Variants in ATG2A observed in about 807,000 individuals in gnomAD.
ATG2A encodes autophagy-related protein 2 homolog A.
ATG2A carries 103 observed loss-of-function variants against 214.2 expected under a neutral mutation model. The ratio of observed to expected loss-of-function variants is 0.48; its 90% CI spans 0.41 to 0.57. The LOEUF is 0.57. Ranked by LOEUF, ATG2A falls within the 20% of genes least tolerant of loss-of-function variation. ATG2A has a pLI of 0.00. For synonymous variants in ATG2A, 1,160 were observed against 1,142.1 expected (o/e 1.02, Z -0.32); for missense variants, 2,312 against 2,613.2 (o/e 0.88, Z 2.51).
chr11:64,909,857 C>A lies in ATG2A; in HGVS notation c.1931G>T (p.Arg644Leu). 1 of 1,609,602 alleles carries A rather than the reference C, an allele frequency of 6.2e-7. No individual in the cohort carries two copies. Among genetic ancestry groups the A allele is most frequent in the Non-Finnish European group, 8.5e-7 (1 of 1,178,746 alleles). ...CAGGTCGGCAATGGGGAAGCGCAGCCGCAGCGTGGCCCGGGGTGCAGAGAG... is the reference window on the plus strand; with the variant it reads ...CAGGTCGGCAATGGGGAAGCGCAGCAGCAGCGTGGCCCGGGGTGCAGAGAG... ...FRLSAPRATL[R>L]LRFPIADLRP... Residue 644 changes from arginine (R) to leucine (L), a missense_variant, in exon 14 of 41, where the codon CGG becomes CTG. Arg to Leu is a moderately radical substitution (Grantham distance 102, BLOSUM62 -2). Coordinates refer to ENST00000377264, the MANE Select transcript of ATG2A (RefSeq NM_015104.3).
Position 64,911,206 on chromosome 11 carries a change from C to A in ATG2A, c.1298G>T (p.Gly433Val). Residue 433 changes from glycine to valine, a missense_variant, in exon 10 of 41, where the codon GGT becomes GTT. Coordinates refer to ENST00000377264, the MANE Select transcript of ATG2A (RefSeq NM_015104.3). ...CGTCTGAAGCAAGGTCAGGGTCACACCCCCCAAGGTCATCTTCAGCAGCGA... is the reference window on the plus strand; with the variant it reads ...CGTCTGAAGCAAGGTCAGGGTCACAACCCCCAAGGTCATCTTCAGCAGCGA... ...PDSLLKMTLG[G>V]VTLTLLQTSA... 6.2e-7 allele frequency: 1 copy of A among 1,614,094 alleles called. No individual in the cohort carries two copies. The highest frequency in any genetic ancestry group is 8.5e-7 in the Non-Finnish European group (1 of 1,180,012).
chr11:64,914,059 C>T lies in ATG2A; in HGVS notation c.487+22G>A, dbSNP rs764745221. 3.8e-5 allele frequency: 59 copies of T among 1,535,354 alleles called. No homozygotes were observed. In the East Asian group the frequency reaches 5.1e-4, roughly 13 times the overall value. ...TGCCACTGAAGGGCAGGAGACAGGG[C>T]GGCCAGGAGGGGCCTGCTCACCAGT... is the stretch of plus-strand genomic sequence containing the variant. On this transcript the variant is annotated intron_variant, in intron 3 of 40. Coordinates refer to ENST00000377264, the MANE Select transcript of ATG2A (RefSeq NM_015104.3).
chr11:64,912,316 A>G lies in ATG2A; in HGVS notation c.922+11T>C, dbSNP rs201087514. On this transcript the variant is annotated intron_variant, in intron 7 of 40. Coordinates refer to ENST00000377264, the MANE Select transcript of ATG2A (RefSeq NM_015104.3). The stretch of plus-strand genomic sequence containing the variant: ...CAGCCACCCCACCCCCATGCCACCC[A>G]GGGGCCTCACCTGTAAGGCTCACGG... 2.8e-6 allele frequency: 2 copies of G among 713,788 alleles called. No homozygotes were observed. Among genetic ancestry groups the G allele is most frequent in the Non-Finnish European group, 4.5e-6 (2 of 445,054 alleles). The allele number at this position is 713,788 out of a possible 1,614,324, so 44.2% of individuals were successfully genotyped here.
chr11:64,914,912 G>C (rs112785065), intron 1 of ATG2A, among the ~76,000 whole-genome samples: 1 of 151,104 alleles, frequency 6.6e-6, no homozygotes, highest in Non-Finnish European at 1.5e-5. Context: ...CTGGTGGGGG[G>C]GCCGTGGGGA....
rs1944569123 is a variant in ATG2A, at chr11:64,906,794, C to G, written c.2854G>C (p.Glu952Gln). Reference protein sequence around the residue: ...ETKDEGGKRLEAVHGELVLDM... With the variant: ...ETKDEGGKRLQAVHGELVLDM... The stretch of plus-strand genomic sequence containing the variant: ...AGCACCAGCTCCCCGTGCACAGCCT[C>G]CAGCCGCTTCCCACCCTCATCCTGC... The change falls in exon 20 of 41, where the codon GAG becomes CAG. Residue 952 changes from glutamate to glutamine, a missense_variant. Coordinates refer to ENST00000377264, the MANE Select transcript of ATG2A (RefSeq NM_015104.3). The G allele has an allele frequency of 3.7e-6, 6 of 1,613,310 alleles. No individual in the cohort carries two copies. The highest frequency in any genetic ancestry group is 5.1e-6 in the Non-Finnish European group (6 of 1,179,924).
At chr11:64,912,451 C>A in intron 6 of ATG2A, 28 bp from the exon 7 acceptor site, 1 of 1,525,334 alleles carries the variant, frequency 6.6e-7, no homozygotes, top group Non-Finnish European at 8.8e-7. Flanking sequence ...AGCCATGGAG[C>A]CTAGGCCCAC....
chr11:64,896,658 C>T (rs771775485), intron 38 of ATG2A, 42 bp from the exon 39 acceptor site: 9 of 1,607,000 alleles, frequency 5.6e-6, no homozygotes, highest in Non-Finnish European at 8.5e-7. Flanking sequence ...GGCTGCCCTG[C>T]CCCCACCTCC....
intron 16 of ATG2A, among the ~76,000 whole-genome samples, chr11:64,908,716 G>A (rs1346573783): frequency 6.6e-6 from 1 of 152,212 alleles, no homozygotes; most frequent in Non-Finnish European, 1.5e-5. Flanking sequence ...TAAGTGTACA[G>A]TGCTGATCCA....
chr11:64,913,369 G>C lies in ATG2A; in HGVS notation c.623C>G (p.Pro208Arg). 6.3e-7 allele frequency: 1 copy of C among 1,598,332 alleles called. No individual in the cohort carries two copies. Among genetic ancestry groups the C allele is most frequent in the Non-Finnish European group, 8.5e-7 (1 of 1,173,872 alleles). The change falls in exon 5 of 41, where the codon CCA becomes CGA. Residue 208 changes from proline (P) to arginine (R), a missense_variant. By Grantham distance (103) the Pro-to-Arg change is moderately radical. Transcript: ENST00000377264. The surrounding 1 kb of genome is among the most constrained non-coding windows in gnomAD (Gnocchi z 4.3). ...LEYCDEAVRD[P>R]SQAPPVDVHQ... ...CACGTCCACCGGCGGCGCCTGGCTT[G>C]GGTCCCGCACTGCCTCATCACAGTA...
At position 64,894,601 on chromosome 11, in the gene ATG2A, G is replaced by A. The variant is rs897771302; in HGVS notation, c.*372C>T. The A allele has an allele frequency of 1.9e-6, 1 of 518,110 alleles. No individual in the cohort carries two copies. Among genetic ancestry groups the A allele is most frequent in the Non-Finnish European group, 3.7e-6 (1 of 267,308 alleles). 32.1% of individuals were successfully genotyped at this position (518,110 alleles called of 1,614,324 possible). A position where few individuals can be genotyped will look rare whatever the true frequency, so the allele number is the denominator to read the frequency against. ...AGACACTGACCCACGCACTCACGGA[G>A]CTTAAAAATAATACATCGAACCACA... is the stretch of plus-strand genomic sequence containing the variant. On this transcript the variant is annotated 3_prime_UTR_variant, in exon 41 of 41. Coordinates refer to ENST00000377264, the MANE Select transcript of ATG2A (RefSeq NM_015104.3).
At position 64,903,650 on chromosome 11, in the gene ATG2A, C is replaced by T. The variant is rs1348863996; in HGVS notation, c.3475G>A (p.Asp1159Asn). 1.9e-6 allele frequency: 3 copies of T among 1,549,544 alleles called. No individual in the cohort carries two copies. Among genetic ancestry groups the T allele is most frequent in the Admixed American group, 2.0e-5 (1 of 50,934 alleles). Reference sequence around the variant, plus strand: ...TCGGACAGGTACAAGGCGGAGTCATCGAGGATGAACCTGGGGGGGAACAGG... The same window carrying T: ...TCGGACAGGTACAAGGCGGAGTCATTGAGGATGAACCTGGGGGGGAACAGG... Reference protein sequence around the residue: ...TSTFLLRFILDDSALYLSDKC... With the variant: ...TSTFLLRFILNDSALYLSDKC... The change falls in exon 25 of 41, where the codon GAT becomes AAT. Residue 1159 changes from aspartate to asparagine, a missense_variant. Asp to Asn is a conservative substitution (Grantham distance 23, BLOSUM62 1). Transcript: ENST00000377264. This position sits in a 1 kb window ranked among gnomAD's most constrained non-coding sequence, Gnocchi z 4.2.
chr11:64,914,456 C>A lies in ATG2A; in HGVS notation c.216G>T (p.Leu72=). The change falls in exon 2 of 41, where the codon CTG becomes CTT. Residue 72 remains leucine, a synonymous_variant. Coordinates refer to ENST00000377264, the MANE Select transcript of ATG2A (RefSeq NM_015104.3). ...VLESMESPLE[L]VEGFVGSIEV... Reference sequence around the variant, plus strand: ...CGATGGAGCCCACGAAGCCTTCCACCAGCTCCAGCGGTGACTCCATTGACT... The same window carrying A: ...CGATGGAGCCCACGAAGCCTTCCACAAGCTCCAGCGGTGACTCCATTGACT... 6.2e-7 allele frequency: 1 copy of A among 1,612,976 alleles called. No homozygotes were observed. The highest frequency in any genetic ancestry group is 1.1e-5 in the South Asian group (1 of 90,950).
chr11:64,910,529 C>G, intron 12 of ATG2A, 87 bp downstream of exon 12: 9 of 1,425,060 alleles, frequency 6.3e-6, no homozygotes, highest in African/African-American at 1.4e-5. Context: ...AGGGACAGGG[C>G]TGGGCAGCAG....
rs1944557189 is a variant in ATG2A, at chr11:64,906,541, G to A, written c.2984-8C>T. ...GGTAGTCATCCACGGCCGCTGGGGA[G>A]GGGTCTCATGAGCCCCCTGCCAAGC... On this transcript the variant is annotated splice_region_variant and splice_polypyrimidine_tract_variant and intron_variant, in intron 20 of 40. Transcript: ENST00000377264. 1.2e-6 allele frequency: 2 copies of A among 1,612,102 alleles called. No homozygotes were observed. Among genetic ancestry groups the A allele is most frequent in the Non-Finnish European group, 1.7e-6 (2 of 1,179,314 alleles).
intron 31 of ATG2A, among the ~76,000 whole-genome samples, chr11:64,899,622 ACT>A (rs1043477382): frequency 1.0e-4 from 15 of 150,288 alleles, no homozygotes; most frequent in Non-Finnish European, 1.5e-4. Context: ...CCTCTGTACC[ACT>A]CTCTGTATCT....
Position 64,895,246 on chromosome 11 carries a change from G to A in ATG2A, c.5581-37C>T, listed in dbSNP as rs373093396. 1.7e-5 allele frequency: 27 copies of A among 1,613,040 alleles called. No individual in the cohort carries two copies. Among genetic ancestry groups the A allele is most frequent in the African/African-American group, 2.7e-5 (2 of 74,924 alleles). On this transcript the variant is annotated intron_variant, in intron 40 of 40. Coordinates refer to ENST00000377264, the MANE Select transcript of ATG2A (RefSeq NM_015104.3). The surrounding 1 kb of genome is among the most constrained non-coding windows in gnomAD (Gnocchi z 5.0). ...AGAGGTCAGGGCGGGGTCTGTGTGAGGAGATGGGCATGGGGGACTGGGGCA... is the reference window on the plus strand; with the variant it reads ...AGAGGTCAGGGCGGGGTCTGTGTGAAGAGATGGGCATGGGGGACTGGGGCA...
At chr11:64,902,733 G>C in intron 26 of ATG2A, 53 bp from the exon 27 acceptor site, 2 of 1,531,212 alleles carry the variant, frequency 1.3e-6, no homozygotes, top group South Asian at 1.2e-5. Flanking sequence ...GCCACTGCCT[G>C]CTGGCCCCAC....
At chr11:64,905,390 T>G (rs992959633) in intron 24 of ATG2A, among the ~76,000 whole-genome samples, 173 bp downstream of exon 24, 2 of 151,890 alleles carry the variant, frequency 1.3e-5, no homozygotes, top group Admixed American at 6.5e-5. Flanking sequence ...CTTATAAGGG[T>G]CTCATCAGGA....
intron 31 of ATG2A, 59 bp downstream of exon 31, chr11:64,900,435 G>A: frequency 6.2e-7 from 1 of 1,609,266 alleles, no homozygotes; most frequent in Non-Finnish European, 8.5e-7. Flanking sequence ...GTGACATCGA[G>A]AACAAGGCCC....
Sources: gnomAD v4.1 joint callset for allele counts (sites outside exome capture counted in the v4.1 genomes callset) on GRCh38, gnomAD v4.1.1 for gene constraint, Gnocchi (gnomAD v3.1) non-coding constraint, MANE v1.5 for transcripts, NCBI Gene and HGNC (gene_info 2026-07-23, HGNC 2026-07-21) for gene names.